Variants in USP10 observed in about 807,000 individuals in gnomAD.
USP10 encodes the protein ubiquitin specific peptidase 10.
Under a neutral mutation model 84.5 loss-of-function variants are expected in USP10, and 22 were observed. The observed-to-expected ratio is 0.26, with a 90% CI of 0.19 to 0.37. The LOEUF (loss-of-function observed/expected upper bound fraction) is 0.37. USP10 is among the 10% of genes least tolerant of loss of function. USP10 has a pLI of 1.00. For missense variants in USP10, 1,019 were observed against 998.9 expected (o/e 1.02, Z -0.27); for synonymous variants, 454 against 387.6 (o/e 1.17, Z -2.01).
At chr16:84,750,443 T>G (rs1911792929) in intron 4 of USP10, among the ~76,000 whole-genome samples, 1 of 151,232 alleles carries the variant, frequency 6.6e-6, no homozygotes, top group Non-Finnish European at 1.5e-5. Flanking sequence ...ATAGCTTGTG[T>G]TTGAAAGTAG....
At chr16:84,759,507 G>A in intron 6 of USP10, 35 bp downstream of exon 6, 1 of 1,575,510 alleles carries the variant, frequency 6.3e-7, no homozygotes, top group South Asian at 1.1e-5. Context: ...TTAAGTGGTG[G>A]GGTTTTTCCC....
At chr16:84,751,042 A>C (rs1334786012) in intron 4 of USP10, among the ~76,000 whole-genome samples, 2 of 152,230 alleles carry the variant, frequency 1.3e-5, no homozygotes, top group Non-Finnish European at 2.9e-5. Context: ...GTGCTGCTTT[A>C]ATGATGTTTC....
rs184437542 is a variant in USP10, at chr16:84,770,839, A to G, written c.1999-1702A>G. 6.2e-4 allele frequency among the ~76,000 whole-genome samples: 94 copies of G among 151,210 alleles called. 2 individuals carry two copies. In the East Asian group the frequency reaches 0.017, roughly 27 times the overall value. The stretch of plus-strand genomic sequence containing the variant: ...TCCCAGCATTTTCGGAGGCTGAGGC[A>G]GGCGGATCACAAAGTCAAGAGATCG... On this transcript the variant is annotated intron_variant, in intron 11 of 13. Coordinates refer to ENST00000219473, the MANE Select transcript of USP10 (RefSeq NM_005153.3).
intron 2 of USP10, among the ~76,000 whole-genome samples, 191 bp from the exon 3 acceptor site, chr16:84,740,118 A>T (rs564142553): frequency 6.6e-6 from 1 of 152,150 alleles, no homozygotes; most frequent in Non-Finnish European, 1.5e-5. Flanking sequence ...AAGCATTTCT[A>T]TTGTGTTTTT....
At chr16:84,756,095 G>A (rs1297640554) in intron 4 of USP10, among the ~76,000 whole-genome samples, 2 of 87,994 alleles carry the variant, frequency 2.3e-5, no homozygotes, top group African/African-American at 4.3e-5. Context: ...CCCACCCCCC[G>A]CCCCCCATCT....
At chr16:84,725,386 C>T (rs1166007926) in intron 1 of USP10, among the ~76,000 whole-genome samples, 2 of 152,046 alleles carry the variant, frequency 1.3e-5, no homozygotes, top group Non-Finnish European at 2.9e-5. Context: ...TTTTCTTTTT[C>T]TTTTTCTCTT....
At chr16:84,711,110 C>G (rs145423977) in intron 1 of USP10, among the ~76,000 whole-genome samples, 1 of 152,246 alleles carries the variant, frequency 6.6e-6, no homozygotes, top group African/African-American at 2.4e-5. Flanking sequence ...GAAGAGCTGT[C>G]ATGTCGTGTC....
At position 84,740,133 on chromosome 16, in the gene USP10, T is replaced by A. The variant is rs538613905; in HGVS notation, c.91-176T>A. Among the ~76,000 whole-genome samples, 297 of 152,384 alleles carry A rather than the reference T, an allele frequency of 1.9e-3. 1 individual carries two copies. The highest frequency in any genetic ancestry group is 2.5e-3 in the Non-Finnish European group (171 of 68,030). ...AAGCATTTCTATTGTGTTTTTTTCG[T>A]TAAATGAAGATGATTTAGATTGCAC... is the stretch of plus-strand genomic sequence containing the variant. On this transcript the variant is annotated intron_variant, in intron 2 of 13. Coordinates refer to ENST00000219473, the MANE Select transcript of USP10 (RefSeq NM_005153.3).
At chr16:84,758,316 A>G (rs1374456896) in intron 4 of USP10, among the ~76,000 whole-genome samples, 2 of 152,192 alleles carry the variant, frequency 1.3e-5, no homozygotes, top group Non-Finnish European at 2.9e-5. Context: ...ATATCTTTCT[A>G]TCTAGTGTCT....
At chr16:84,720,925 G>A (rs148419293) in intron 1 of USP10, among the ~76,000 whole-genome samples, 2,937 of 139,922 alleles carry the variant, frequency 0.021, 78 homozygotes, top group South Asian at 0.13. Flanking sequence ...AAGGAGTCTC[G>A]CTCTTTTGCC....
intron 10 of USP10, among the ~76,000 whole-genome samples, chr16:84,764,931 G>GAGAAAAAA (rs11373757): frequency 3.8e-4 from 15 of 39,256 alleles, no homozygotes. Context: ...GAGAGAGAGA[G>GAGAAAAAA]AAAAAAAAAT....
intron 1 of USP10, among the ~76,000 whole-genome samples, chr16:84,727,610 T>G (rs767571484): frequency 1.2e-4 from 18 of 152,248 alleles, no homozygotes; most frequent in Non-Finnish European, 2.4e-4. Flanking sequence ...TCCATTTGCT[T>G]AATCATTTGT....
intron 1 of USP10, chr16:84,732,442 T>G (rs949783004): frequency 1.6e-4 from 63 of 385,948 alleles, no homozygotes; most frequent in Non-Finnish European, 2.5e-4. Flanking sequence ...CTTCTTCTTC[T>G]TCTTTTTTTT....
At chr16:84,749,656 C>G (rs1221110923) in intron 4 of USP10, among the ~76,000 whole-genome samples, 3 of 152,070 alleles carry the variant, frequency 2.0e-5, no homozygotes, top group Non-Finnish European at 2.9e-5. Context: ...CAAATACTCA[C>G]ATTTCTGGAC....
chr16:84,732,790 G>C (rs898415318), intron 1 of USP10, among the ~76,000 whole-genome samples: 1 of 152,170 alleles, frequency 6.6e-6, no homozygotes, highest in African/African-American at 2.4e-5. Flanking sequence ...ATATGAACTG[G>C]TAGGCACTTG....
At chr16:84,742,607 C>T (rs1341830940) in intron 3 of USP10, among the ~76,000 whole-genome samples, 1 of 152,206 alleles carries the variant, frequency 6.6e-6, no homozygotes, top group Non-Finnish European at 1.5e-5. Flanking sequence ...TATTGAGTTT[C>T]CATCTTCCTA....
At chr16:84,753,674 A>G (rs759526809) in intron 4 of USP10, among the ~76,000 whole-genome samples, 1 of 152,230 alleles carries the variant, frequency 6.6e-6, no homozygotes, top group Admixed American at 6.5e-5. Flanking sequence ...AGGAGCTGTC[A>G]TTTAGACTTT....
At chr16:84,735,348 G>C (rs375960997) in intron 2 of USP10, among the ~76,000 whole-genome samples, 1 of 152,044 alleles carries the variant, frequency 6.6e-6, no homozygotes, top group Admixed American at 6.6e-5. Flanking sequence ...ATGTGGATGG[G>C]TGGGTACCTG....
chr16:84,765,957 C>T (rs1173396254), intron 10 of USP10, among the ~76,000 whole-genome samples: 2 of 152,172 alleles, frequency 1.3e-5, no homozygotes, highest in Admixed American at 6.5e-5. Context: ...GTTTACCCAT[C>T]GAAAGTACTG....
Sources: allele counts gnomAD v4.1 joint callset (sites outside exome capture counted in the v4.1 genomes callset), GRCh38; gene constraint gnomAD v4.1.1; transcripts MANE v1.5; gene names NCBI Gene and HGNC (gene_info 2026-07-23, HGNC 2026-07-21).